The following ZNF532 variants were observed in gnomAD, a reference collection of about 807,000 sequenced individuals.
ZNF532 encodes zinc finger protein 532.
A neutral mutation model predicts 89.3 loss-of-function variants in ZNF532; 22 were observed. The ratio of observed to expected loss-of-function variants is 0.25; its 90% CI spans 0.18 to 0.35. The LOEUF is 0.35. Among genes scored for constraint, ZNF532 ranks in the 10% least tolerant of loss-of-function variants. The pLI is 1.00. For missense variants in ZNF532, 1,132 were observed against 1,643.4 expected, an observed-to-expected ratio of 0.69 and a Z score of 5.38; for synonymous variants, 606 against 649.6, an observed-to-expected ratio of 0.93 and a Z score of 1.02.
At chr18:58,953,969 C>T (rs1433673238) in intron 7 of ZNF532, 170 bp downstream of exon 7, 8 of 985,210 alleles carry the variant, frequency 8.1e-6, no homozygotes, top group Middle Eastern at 5.2e-4. Flanking sequence ...TAGACCTTTT[C>T]AAATCCTTCA....
intron 4 of ZNF532, among the ~76,000 whole-genome samples, chr18:58,937,391 C>T (rs978296855): frequency 6.6e-6 from 1 of 152,168 alleles, no homozygotes; most frequent in Non-Finnish European, 1.5e-5. Context: ...GCTTTCGTTT[C>T]TTACATTAAG....
Position 58,985,827 on chromosome 18 carries a change from A to T in ZNF532, c.*1361A>T, listed in dbSNP as rs1603362389. On this transcript the variant is annotated 3_prime_UTR_variant, in exon 10 of 10. Coordinates refer to ENST00000591808, the MANE Select transcript of ZNF532 (RefSeq NM_001375912.1). ...TTGTGTATATATAGATACTTGCATG[A>T]TATACTGTAGTCAATGTTCGGTTCC... is the stretch of plus-strand genomic sequence containing the variant. 1 of 137,186 alleles carries T rather than the reference A, an allele frequency of 7.3e-6. No individual in the cohort carries two copies. Among genetic ancestry groups the T allele is most frequent in the Non-Finnish European group, 1.5e-5 (1 of 65,818 alleles). 8.5% of individuals were successfully genotyped at this position (137,186 alleles called of 1,614,324 possible).
chr18:58,946,056 C>G (rs77267221), intron 5 of ZNF532, among the ~76,000 whole-genome samples: 413 of 152,192 alleles, frequency 2.7e-3, no homozygotes, highest in African/African-American at 9.3e-3. Flanking sequence ...AACAATTGTC[C>G]TATGCCAATT....
intron 2 of ZNF532, among the ~76,000 whole-genome samples, chr18:58,910,541 A>G (rs1055679441): frequency 2.6e-5 from 4 of 152,056 alleles, no homozygotes; most frequent in African/African-American, 9.7e-5. Context: ...ATCTCAGCTC[A>G]GTGCAACCTC....
At chr18:58,884,761 A>G (rs1300800257) in intron 2 of ZNF532, among the ~76,000 whole-genome samples, 3 of 152,190 alleles carry the variant, frequency 2.0e-5, no homozygotes, top group Non-Finnish European at 2.9e-5. Flanking sequence ...TTCATCAAAC[A>G]TGCTTCATTA....
chr18:58,894,467 C>CAAAA (rs149027291), intron 2 of ZNF532, among the ~76,000 whole-genome samples: 1 of 77,876 alleles, frequency 1.3e-5, no homozygotes, highest in African/African-American at 4.8e-5. Context: ...GACTCCATCT[C>CAAAA]AAAAAAAAAA....
chr18:58,978,994 C>T, intron 7 of ZNF532, 61 bp from the exon 8 acceptor site: 1 of 1,336,798 alleles, frequency 7.5e-7, no homozygotes, highest in Non-Finnish European at 1.1e-6. Flanking sequence ...CAAAAGAGTT[C>T]TTAATTGTTT....
At chr18:58,959,260 G>GT (rs1459830009) in intron 7 of ZNF532, among the ~76,000 whole-genome samples, 6,630 of 128,146 alleles carry the variant, frequency 0.052, 448 homozygotes, top group African/African-American at 0.15. Context: ...TTTGTTTTTT[G>GT]TTTTTTTTTG....
At position 58,893,034 on chromosome 18, in the gene ZNF532, T is replaced by G. The variant is rs2059008224; in HGVS notation, c.-17-25237T>G. ...TCTTGCTCTGTCACCCAGGCTGGAG[T>G]GCAATGGCGCGATTTCAGCTCACTG... On this transcript the variant is annotated intron_variant, in intron 2 of 9. Coordinates refer to ENST00000591808, the MANE Select transcript of ZNF532 (RefSeq NM_001375912.1). Among the ~76,000 whole-genome samples the G allele has an allele frequency of 2.0e-5, 3 of 147,548 alleles. 1 individual carries two copies. In the South Asian group the frequency reaches 6.4e-4, roughly 31 times the overall value.
rs1238364924 is a variant in ZNF532, at chr18:58,984,421, C to T, written c.3861C>T (p.Gly1287=). ...TAAATACTCACATGCGGACACACGG[C>T]ATGGCCTTCATCAAATCCAAAAGGA... is the stretch of plus-strand genomic sequence containing the variant. ...AALNTHMRTH[G]MAFIKSKRMS... Residue 1287 remains glycine (G), a synonymous_variant, in exon 10 of 10, where the codon GGC becomes GGT. Coordinates refer to ENST00000591808, the MANE Select transcript of ZNF532 (RefSeq NM_001375912.1). 20 of 1,611,556 alleles carry T rather than the reference C, an allele frequency of 1.2e-5. No individual in the cohort carries two copies. Among genetic ancestry groups the T allele is most frequent in the Non-Finnish European group, 1.7e-5 (20 of 1,179,426 alleles).
chr18:58,940,740 T>C (rs980170439), intron 5 of ZNF532, among the ~76,000 whole-genome samples: 1 of 152,192 alleles, frequency 6.6e-6, no homozygotes, highest in East Asian at 1.9e-4. Context: ...TCCCTCCTTG[T>C]GCACACAGCA....
At chr18:58,899,242 G>T (rs1315704430) in intron 2 of ZNF532, among the ~76,000 whole-genome samples, 1 of 152,162 alleles carries the variant, frequency 6.6e-6, no homozygotes, top group Non-Finnish European at 1.5e-5. Context: ...GTCAGACTTA[G>T]CAAATAAAAA....
At chr18:58,914,039 A>G (rs569784470) in intron 2 of ZNF532, among the ~76,000 whole-genome samples, 9 of 152,354 alleles carry the variant, frequency 5.9e-5, no homozygotes, top group Non-Finnish European at 1.0e-4. Context: ...TTTTTATTGC[A>G]AAGGAAGAAG....
Position 58,936,530 on chromosome 18 carries a change from A to G in ZNF532, c.2528+1916A>G, listed in dbSNP as rs569768813. 2.6e-4 allele frequency among the ~76,000 whole-genome samples: 39 copies of G among 152,308 alleles called. No individual in the cohort carries two copies. In the South Asian group the frequency reaches 7.5e-3, roughly 29 times the overall value. ...TCCACATGCAGGCTGAAAGTAATCA[A>G]CTCACTTGGGAAAAGACCATCCTTG... On this transcript the variant is annotated intron_variant, in intron 4 of 9. Coordinates refer to ENST00000591808, the MANE Select transcript of ZNF532 (RefSeq NM_001375912.1).
At chr18:58,888,701 A>ATT in intron 2 of ZNF532, among the ~76,000 whole-genome samples, 1 of 48,840 alleles carries the variant, frequency 2.0e-5, no homozygotes, top group South Asian at 7.5e-4. Context: ...AAAAAATTAT[A>ATT]TATATATATA....
chr18:58,969,831 T>C lies in ZNF532; in HGVS notation c.3151-9224T>C, dbSNP rs574429237. On this transcript the variant is annotated intron_variant, in intron 7 of 9. Coordinates refer to ENST00000591808, the MANE Select transcript of ZNF532 (RefSeq NM_001375912.1). ...ATACTAGAAAGATTCTATGTAAGTC[T>C]TCAAGCGGTATTTAATTTTTATTAT... Among the ~76,000 whole-genome samples, 23 of 152,102 alleles carry C rather than the reference T, an allele frequency of 1.5e-4. No homozygotes were observed. In the South Asian group the frequency reaches 4.2e-3, roughly 27 times the overall value.
intron 8 of ZNF532, 54 bp from the exon 9 acceptor site, chr18:58,981,416 A>G: frequency 6.3e-7 from 1 of 1,587,296 alleles, no homozygotes; most frequent in Non-Finnish European, 8.6e-7. Context: ...GAGTTCTTCC[A>G]CAGGAGCTTA....
At position 58,941,459 on chromosome 18, in the gene ZNF532, T is replaced by G. The variant is rs112618326; in HGVS notation, c.2705+1838T>G. On this transcript the variant is annotated intron_variant, in intron 5 of 9. Coordinates refer to ENST00000591808, the MANE Select transcript of ZNF532 (RefSeq NM_001375912.1). ...ACAATTATTCCAGTGGTTTCTTTTC[T>G]CTCTCTCTCTTTTTTTTTTTTTTTT... 7.7e-3 allele frequency among the ~76,000 whole-genome samples: 1,029 copies of G among 132,792 alleles called. 12 individuals carry two copies. The highest frequency in any genetic ancestry group is 0.027 in the African/African-American group (962 of 35,990). 87.1% of individuals were successfully genotyped at this position (132,792 alleles called of 152,430 possible).
intron 5 of ZNF532, among the ~76,000 whole-genome samples, chr18:58,942,948 A>T (rs995456062): frequency 6.6e-6 from 1 of 152,186 alleles, no homozygotes; most frequent in Admixed American, 6.5e-5. Context: ...TGTATGAAAA[A>T]ATACCCAGCA....
Sources: allele counts gnomAD v4.1 joint callset (sites outside exome capture counted in the v4.1 genomes callset), GRCh38; gene constraint gnomAD v4.1.1; transcripts MANE v1.5; gene names NCBI Gene and HGNC (gene_info 2026-07-23, HGNC 2026-07-21).